The following MCC variants were observed in gnomAD, a reference collection of about 807,000 sequenced individuals.
MCC encodes colorectal mutant cancer protein.
Under a neutral mutation model 116.2 loss-of-function variants are expected in MCC, and 90 were observed. The observed-to-expected ratio is 0.77, with a 90% CI of 0.65 to 0.92. The LOEUF is 0.92. Ranked by LOEUF, MCC falls within the 40% of genes least tolerant of loss-of-function variation. MCC has a pLI of 0.00. For missense variants in MCC, 1,516 were observed against 1,312.2 expected, an observed-to-expected ratio of 1.16 and a Z score of -2.40; for synonymous variants, 578 against 510.5, an observed-to-expected ratio of 1.13 and a Z score of -1.78.
chr5:113,192,927 T>A (rs920710574), intron 3 of MCC, among the ~76,000 whole-genome samples: 1 of 152,236 alleles, frequency 6.6e-6, no homozygotes, highest in Non-Finnish European at 1.5e-5. Context: ...AACCAACACA[T>A]GTTTATTGTC....
chr5:113,313,577 T>A (rs1043398226), intron 3 of MCC, among the ~76,000 whole-genome samples: 2 of 152,186 alleles, frequency 1.3e-5, no homozygotes, highest in African/African-American at 4.8e-5. Flanking sequence ...CACTTTCTAC[T>A]CTGGAAGTCC....
intron 3 of MCC, among the ~76,000 whole-genome samples, chr5:113,322,084 G>A (rs1330887825): frequency 2.6e-5 from 4 of 152,056 alleles, no homozygotes; most frequent in Non-Finnish European, 4.4e-5. Context: ...CACCTGCCTC[G>A]GGCTCCCAAA....
intron 17 of MCC, among the ~76,000 whole-genome samples, chr5:113,031,087 T>A (rs1253162655): frequency 6.6e-6 from 1 of 152,158 alleles, no homozygotes; most frequent in African/African-American, 2.4e-5. Context: ...CTTTAGCTAC[T>A]ATGAGGGTAA....
intron 1 of MCC, among the ~76,000 whole-genome samples, chr5:113,389,602 TTCTC>T (rs1334947719): frequency 1.3e-5 from 2 of 152,140 alleles, no homozygotes; most frequent in Non-Finnish European, 2.9e-5. Flanking sequence ...TTTGATTTCT[TTCTC>T]TCTTTCTCTT....
intron 8 of MCC, among the ~76,000 whole-genome samples, chr5:113,089,211 G>C (rs997546053): frequency 6.6e-6 from 1 of 152,170 alleles, no homozygotes; most frequent in Admixed American, 6.5e-5. Context: ...TCAACAAGGA[G>C]TGTCAAAGTG....
Position 113,027,214 on chromosome 5 carries a change from C to A in MCC, c.*88G>T. 1 of 1,413,224 alleles carries A rather than the reference C, an allele frequency of 7.1e-7. No homozygotes were observed. Among genetic ancestry groups the A allele is most frequent in the Non-Finnish European group, 9.6e-7 (1 of 1,039,304 alleles). 87.5% of individuals were successfully genotyped at this position (1,413,224 alleles called of 1,614,324 possible). A position where few individuals can be genotyped will look rare whatever the true frequency, so the allele number is the denominator to read the frequency against. On this transcript the variant is annotated 3_prime_UTR_variant, in exon 19 of 19. Coordinates refer to ENST00000408903, the MANE Select transcript of MCC (RefSeq NM_001085377.2). ...ACCTGCCAGCCTTCCCTTTCCTCCT[C>A]CTCCCAACAAGTACATGGGCCCTTC...
At chr5:113,069,501 T>A (rs751317292) in intron 12 of MCC, among the ~76,000 whole-genome samples, 22 of 152,352 alleles carry the variant, frequency 1.4e-4, no homozygotes, top group Admixed American at 5.2e-4. Flanking sequence ...AAAGTAACTG[T>A]CTAGCTTCTT....
chr5:113,290,567 T>G (rs928471881), intron 3 of MCC, among the ~76,000 whole-genome samples: 2 of 152,242 alleles, frequency 1.3e-5, no homozygotes, highest in East Asian at 3.8e-4. Context: ...AGTTTTACCC[T>G]AATATTGTTA....
intron 3 of MCC, among the ~76,000 whole-genome samples, chr5:113,152,976 G>A (rs1759967959): frequency 6.6e-6 from 1 of 152,136 alleles, no homozygotes; most frequent in South Asian, 2.1e-4. Context: ...ATACCACAGT[G>A]TTCCCGTTGT....
At chr5:113,421,929 G>A (rs1053982893) in intron 1 of MCC, among the ~76,000 whole-genome samples, 1 of 152,162 alleles carries the variant, frequency 6.6e-6, no homozygotes, top group African/African-American at 2.4e-5. Flanking sequence ...GCTAATGCTA[G>A]TGACAGTATA....
chr5:113,108,873 C>T (rs1194133340), intron 6 of MCC, among the ~76,000 whole-genome samples: 2 of 152,198 alleles, frequency 1.3e-5, no homozygotes, highest in Admixed American at 1.3e-4. Flanking sequence ...GTTTGTGCTG[C>T]AGAACTCTGC....
intron 3 of MCC, among the ~76,000 whole-genome samples, chr5:113,309,002 G>A (rs1465463527): frequency 6.6e-6 from 1 of 152,050 alleles, no homozygotes; most frequent in Admixed American, 6.6e-5. Flanking sequence ...TATTATTCCT[G>A]GAGAAAAGAG....
chr5:113,456,002 T>C (rs905526829), intron 1 of MCC, among the ~76,000 whole-genome samples: 1 of 152,256 alleles, frequency 6.6e-6, no homozygotes, highest in Admixed American at 6.5e-5. Flanking sequence ...TCCAGAACTC[T>C]ACTCTTTTAA....
At chr5:113,336,124 G>C (rs1767862429) in intron 3 of MCC, among the ~76,000 whole-genome samples, 1 of 151,492 alleles carries the variant, frequency 6.6e-6, no homozygotes, top group Non-Finnish European at 1.5e-5. Context: ...GTGGGAGAGA[G>C]AGAGAGGAAC....
At chr5:113,227,501 A>G (rs1763788071) in intron 3 of MCC, among the ~76,000 whole-genome samples, 1 of 152,228 alleles carries the variant, frequency 6.6e-6, no homozygotes, top group South Asian at 2.1e-4. Flanking sequence ...ATGGTTCTCA[A>G]ATTTGAATTC....
At chr5:113,147,593 G>A (rs1197536506) in intron 4 of MCC, among the ~76,000 whole-genome samples, 2 of 152,216 alleles carry the variant, frequency 1.3e-5, no homozygotes, top group African/African-American at 2.4e-5. Flanking sequence ...GCTAACAAGA[G>A]ATGTTACCCT....
At chr5:113,223,814 T>C (rs940607985) in intron 3 of MCC, among the ~76,000 whole-genome samples, 1 of 152,142 alleles carries the variant, frequency 6.6e-6, no homozygotes, top group African/African-American at 2.4e-5. Flanking sequence ...GGCTAGAGAT[T>C]TGACATTTAA....
chr5:113,372,974 C>T (rs950637962), intron 2 of MCC, among the ~76,000 whole-genome samples: 5 of 151,986 alleles, frequency 3.3e-5, no homozygotes, highest in Admixed American at 6.6e-5. Flanking sequence ...GTCAGGAGAT[C>T]GAGACCATCC....
intron 6 of MCC, among the ~76,000 whole-genome samples, chr5:113,114,895 G>A (rs1311376788): frequency 6.6e-6 from 1 of 152,112 alleles, no homozygotes; most frequent in African/African-American, 2.4e-5. Context: ...TTTCCTGGAT[G>A]CCAAACAAGA....
Sources: gnomAD v4.1 joint callset for allele counts (sites outside exome capture counted in the v4.1 genomes callset) on GRCh38, gnomAD v4.1.1 for gene constraint, MANE v1.5 for transcripts, NCBI Gene and HGNC (gene_info 2026-07-23, HGNC 2026-07-21) for gene names.